The following ADCY9 variants were observed in gnomAD, a reference collection of about 807,000 sequenced individuals.
ADCY9 encodes adenylate cyclase type 9.
A neutral mutation model predicts 101.5 loss-of-function variants in ADCY9; 50 were observed. The observed-to-expected ratio is 0.49, with a 90% CI of 0.39 to 0.62. ADCY9 has a LOEUF of 0.62. ADCY9 is among the 20% of genes least tolerant of loss of function. ADCY9 has a pLI of 0.00. For missense variants in ADCY9, 1,662 were observed against 1,800.4 expected (o/e 0.92, Z 1.39); for synonymous variants, 905 against 769.3 (o/e 1.18, Z -2.92).
In ADCY9 at chr16:3,963,691, G is replaced by A; in HGVS notation, c.*2084C>T. On this transcript the variant is annotated 3_prime_UTR_variant, in exon 11 of 11. Transcript: ENST00000294016. ...GTTCTGAGCGAGACAGCAAGGTCGT[G>A]AGCAAACGCCCAGCCCCTCAAAGCT... 4.1e-6 allele frequency: 1 copy of A among 244,020 alleles called. No homozygotes were observed. Among genetic ancestry groups the A allele is most frequent in the Non-Finnish European group, 7.8e-6 (1 of 127,908 alleles). The allele number at this position is 244,020 out of a possible 1,614,324, so 15.1% of individuals were successfully genotyped here.
chr16:4,053,373 G>T (rs183803847), intron 2 of ADCY9, among the ~76,000 whole-genome samples: 1 of 152,202 alleles, frequency 6.6e-6, no homozygotes, highest in South Asian at 2.1e-4. Flanking sequence ...TTTCACAGTC[G>T]TTTTTTCAAA....
At chr16:3,988,453 G>GTTCCCTTCCAGGGCAGGTGGGGGGGA (rs2056214015) in intron 6 of ADCY9, among the ~76,000 whole-genome samples, 2 of 92,748 alleles carry the variant, frequency 2.2e-5, no homozygotes, top group Non-Finnish European at 5.3e-5. Context: ...CAGGTGGGGG[G>GTTCCCTTCCAGGGCAGGTGGGGGGGA]TTCCCTTCCA....
intron 3 of ADCY9, among the ~76,000 whole-genome samples, chr16:4,004,175 G>T (rs1471395573): frequency 6.8e-6 from 1 of 147,924 alleles, no homozygotes; most frequent in African/African-American, 2.5e-5. Flanking sequence ...TTGAGCCTGA[G>T]AGTTTCGAGC....
chr16:4,011,803 T>C (rs1356678271), intron 2 of ADCY9, among the ~76,000 whole-genome samples: 4 of 151,926 alleles, frequency 2.6e-5, no homozygotes, highest in Non-Finnish European at 5.9e-5. Flanking sequence ...TGCCTCTCAG[T>C]TTCCTCATCT....
chr16:4,079,728 T>C (rs1324709727), intron 2 of ADCY9, among the ~76,000 whole-genome samples: 1 of 152,164 alleles, frequency 6.6e-6, no homozygotes, highest in Non-Finnish European at 1.5e-5. Context: ...CCATTATATC[T>C]ATATATATTT....
chr16:4,003,423 C>T (rs1301959072), intron 3 of ADCY9, among the ~76,000 whole-genome samples: 1 of 152,196 alleles, frequency 6.6e-6, no homozygotes, highest in East Asian at 1.9e-4. Context: ...GTGAGCGAGG[C>T]TTCTTCTCAG....
At chr16:4,041,760 T>G (rs928313455) in intron 2 of ADCY9, among the ~76,000 whole-genome samples, 24 of 150,922 alleles carry the variant, frequency 1.6e-4, no homozygotes, top group Non-Finnish European at 3.0e-4. Flanking sequence ...TTTTTGTTTT[T>G]TTTTTTTTTG....
At chr16:4,104,692 G>A (rs978996509) in intron 2 of ADCY9, among the ~76,000 whole-genome samples, 6 of 152,072 alleles carry the variant, frequency 3.9e-5, no homozygotes, top group Non-Finnish European at 8.8e-5. Context: ...CACATAAAAA[G>A]GCTATGAAAA....
rs2238453 is a variant in ADCY9 at position 4,081,470 on chromosome 16, T to C, written c.1693+32280A>G. 7.3e-4 allele frequency among the ~76,000 whole-genome samples: 111 copies of C among 152,312 alleles called. 1 individual carries two copies. In the East Asian group the frequency reaches 0.011, roughly 15 times the overall value. ...TTTAAGAAATACGTTTGTTATAAGG[T>C]TTCTTAACAAGACACATCAGTGATA... is the stretch of plus-strand genomic sequence containing the variant. On this transcript the variant is annotated intron_variant, in intron 2 of 10. Coordinates refer to ENST00000294016, the MANE Select transcript of ADCY9 (RefSeq NM_001116.4).
chr16:3,987,393 A>G (rs2239304), intron 6 of ADCY9, among the ~76,000 whole-genome samples: 112,074 of 152,196 alleles, frequency 0.74, 41,427 homozygotes, highest in African/African-American at 0.76. Context: ...GCAGGGCGAG[A>G]AGCGGCCCGG....
intron 2 of ADCY9, among the ~76,000 whole-genome samples, chr16:4,057,361 G>T (rs544716218): frequency 3.9e-5 from 6 of 152,120 alleles, no homozygotes; most frequent in African/African-American, 1.2e-4. Flanking sequence ...GTACAATTCA[G>T]TGGTGTCTAG....
At chr16:3,985,292 A>C (rs2056182257) in intron 6 of ADCY9, among the ~76,000 whole-genome samples, 1 of 151,990 alleles carries the variant, frequency 6.6e-6, no homozygotes, top group African/African-American at 2.4e-5. Context: ...GGCACCCGCC[A>C]CCACGCCCAG....
At chr16:4,057,203 C>A (rs1343492214) in intron 2 of ADCY9, among the ~76,000 whole-genome samples, 1 of 152,116 alleles carries the variant, frequency 6.6e-6, no homozygotes. Context: ...TGCCGTGGTG[C>A]AATCTCGGCT....
chr16:4,084,980 C>T (rs547012834), intron 2 of ADCY9, among the ~76,000 whole-genome samples: 26 of 152,270 alleles, frequency 1.7e-4, no homozygotes, highest in African/African-American at 5.8e-4. Context: ...AGTCTTCAGA[C>T]GCCTGTCTCT....
chr16:3,983,063 G>A (rs2056157591), intron 7 of ADCY9, 169 bp downstream of exon 7: 8 of 674,098 alleles, frequency 1.2e-5, no homozygotes, highest in Middle Eastern at 4.2e-4. Flanking sequence ...CGTCAGGGAG[G>A]GAGGATGCTG....
chr16:3,986,619 G>T (rs939903254), intron 6 of ADCY9, among the ~76,000 whole-genome samples: 4 of 152,106 alleles, frequency 2.6e-5, no homozygotes, highest in African/African-American at 9.7e-5. Context: ...CACCATACCT[G>T]GCTAAGTTTT....
chr16:4,092,795 G>C (rs918717023), intron 2 of ADCY9, among the ~76,000 whole-genome samples: 9 of 152,104 alleles, frequency 5.9e-5, no homozygotes, highest in African/African-American at 2.2e-4. Flanking sequence ...TCCATCAAAC[G>C]ATATCTGCAG....
In ADCY9 at chr16:4,066,742, C is replaced by T. The variant is rs951320312; in HGVS notation, c.1693+47008G>A. On this transcript the variant is annotated intron_variant, in intron 2 of 10. Coordinates refer to ENST00000294016, the MANE Select transcript of ADCY9 (RefSeq NM_001116.4). ...TTGTCCAGTAACATTTACATGAGAT[C>T]CATGAAAAAAAAGTGAATATTATTC... Among the ~76,000 whole-genome samples the T allele has an allele frequency of 4.2e-4, 64 of 151,664 alleles. 1 individual carries two copies. Among genetic ancestry groups the T allele is most frequent in the Admixed American group, 2.0e-4 (3 of 15,204 alleles).
At chr16:4,006,606 C>A (rs1292833182) in intron 3 of ADCY9, among the ~76,000 whole-genome samples, 1 of 152,160 alleles carries the variant, frequency 6.6e-6, no homozygotes, top group Admixed American at 6.5e-5. Context: ...GAACACAAAG[C>A]AGCATAGGAG....
Sources: allele counts gnomAD v4.1 joint callset (sites outside exome capture counted in the v4.1 genomes callset), GRCh38; gene constraint gnomAD v4.1.1; transcripts MANE v1.5; gene names NCBI Gene and HGNC (gene_info 2026-07-23, HGNC 2026-07-21).